BMP3: variants seen among roughly 807,000 people sequenced by gnomAD.
BMP3 encodes the protein bone morphogenetic protein 3, also known as bone morphogenetic protein 3 (osteogenic).
In BMP3, 23 loss-of-function variants were observed where a neutral mutation model predicts 38.1. The ratio of observed to expected loss-of-function variants is 0.60; its 90% CI spans 0.43 to 0.86. The LOEUF (loss-of-function observed/expected upper bound fraction) is 0.86. BMP3 is among the 40% of genes least tolerant of loss of function. The probability of loss-of-function intolerance (pLI) is 0.00; values close to 1 mark genes in which losing one functional copy is unlikely to be tolerated. For synonymous variants in BMP3, 258 were observed against 225.7 expected (o/e 1.14, Z -1.28); for missense variants, 628 against 579.6 (o/e 1.08, Z -0.86).
intron 2 of BMP3, among the ~76,000 whole-genome samples, chr4:81,047,711 GT>G (rs141914215): frequency 1.2e-3 from 178 of 152,052 alleles, no homozygotes; most frequent in Middle Eastern, 3.4e-3. Flanking sequence ...CTAAAATAGC[GT>G]TTTCATGTTC....
In BMP3 at chr4:81,053,563, T is replaced by A; in HGVS notation, c.*27T>A. ...CTGGCAAAGAACTCATTTGAATGCT[T>A]AATTCAATCATTAGTTTATTTTTAT... On this transcript the variant is annotated 3_prime_UTR_variant, in exon 3 of 3. Transcript: ENST00000282701. 7.8e-7 allele frequency: 1 copy of A among 1,289,714 alleles called. No individual in the cohort carries two copies. Among genetic ancestry groups the A allele is most frequent in the Non-Finnish European group, 1.0e-6 (1 of 976,050 alleles). The allele number at this position is 1,289,714 out of a possible 1,614,324, so 79.9% of individuals were successfully genotyped here.
In BMP3 at chr4:81,046,588, C is replaced by T; in HGVS notation, c.1167C>T (p.Ile389=). 2.5e-6 allele frequency: 4 copies of T among 1,614,108 alleles called. No individual in the cohort carries two copies. Among genetic ancestry groups the T allele is most frequent in the Non-Finnish European group, 3.4e-6 (4 of 1,180,008 alleles). The change falls in exon 2 of 3, where the codon ATC becomes ATT. Residue 389 remains isoleucine, a synonymous_variant. Transcript: ENST00000282701. ...ATATTGGCTGGAGTGAATGGATTAT[C>T]TCCCCCAAGTCCTTTGATGCCTATT... ...FADIGWSEWI[I]SPKSFDAYYC...
intron 1 of BMP3, among the ~76,000 whole-genome samples, chr4:81,043,186 A>T (rs539359184): frequency 6.6e-6 from 1 of 152,364 alleles, no homozygotes; most frequent in Admixed American, 6.5e-5. Context: ...ACAAATATGT[A>T]TATGAAACAA....
chr4:81,046,359 A>T lies in BMP3; in HGVS notation c.938A>T (p.Glu313Val). Residue 313 changes from glutamate (E) to valine (V), a missense_variant, in exon 2 of 3, where the codon GAG becomes GTG. By Grantham distance (121) the Glu-to-Val change is moderately radical. Transcript: ENST00000282701. ...GCAGAATACCAGTATAAAAAGGATG[A>T]GGTGTGGGAGGAGAGAAAGCCTTAC... ...PGAEYQYKKD[E>V]VWEERKPYKT... is the part of the protein sequence containing the mutation. The T allele has an allele frequency of 6.2e-7, 1 of 1,614,008 alleles. No individual in the cohort carries two copies. The highest frequency in any genetic ancestry group is 8.5e-7 in the Non-Finnish European group (1 of 1,180,016).
intron 1 of BMP3, among the ~76,000 whole-genome samples, chr4:81,032,699 T>C (rs572179585): frequency 3.9e-5 from 6 of 152,352 alleles, no homozygotes; most frequent in Admixed American, 1.3e-4. Context: ...AGTTTTGATA[T>C]GCAAGACTCC....
At chr4:81,039,914 G>A (rs1056198486) in intron 1 of BMP3, among the ~76,000 whole-genome samples, 1 of 152,148 alleles carries the variant, frequency 6.6e-6, no homozygotes, top group Non-Finnish European at 1.5e-5. Flanking sequence ...CCTAGCCAAG[G>A]AAATGGGTTG....
intron 1 of BMP3, among the ~76,000 whole-genome samples, chr4:81,034,846 C>T (rs916873241): frequency 5.9e-5 from 9 of 151,990 alleles, no homozygotes; most frequent in South Asian, 2.1e-4. Context: ...TATAAGGCTT[C>T]GGCAAAGATA....
At chr4:81,048,234 A>G (rs890713978) in intron 2 of BMP3, among the ~76,000 whole-genome samples, 3 of 152,230 alleles carry the variant, frequency 2.0e-5, no homozygotes, top group Admixed American at 6.5e-5. Context: ...AAAAACACAC[A>G]CACAACAAAG....
chr4:81,055,956 G>C lies in BMP3; in HGVS notation c.*2420G>C, dbSNP rs1034940802. On this transcript the variant is annotated 3_prime_UTR_variant, in exon 3 of 3. Transcript: ENST00000282701. The stretch of plus-strand genomic sequence containing the variant: ...GTAACTATCATTTTACTAATGAATT[G>C]AGGATGTATTATGGTTTAAATTGGA... 1.3e-5 allele frequency: 2 copies of C among 152,142 alleles called. No homozygotes were observed. The highest frequency in any genetic ancestry group is 4.1e-4 in the South Asian group (2 of 4,830). The allele number at this position is 152,142 out of a possible 1,614,324, so 9.4% of individuals were successfully genotyped here. A position where few individuals can be genotyped will look rare whatever the true frequency, so the allele number is the denominator to read the frequency against.
chr4:81,049,658 A>C (rs1449476738), intron 2 of BMP3, among the ~76,000 whole-genome samples: 1 of 152,182 alleles, frequency 6.6e-6, no homozygotes, highest in Non-Finnish European at 1.5e-5. Flanking sequence ...TGTGTCTTTC[A>C]AGTGGTACGG....
At chr4:81,039,305 G>A (rs1002454504) in intron 1 of BMP3, among the ~76,000 whole-genome samples, 4 of 152,188 alleles carry the variant, frequency 2.6e-5, no homozygotes, top group Non-Finnish European at 4.4e-5. Flanking sequence ...TGACTAAAAT[G>A]TTTTCCCTGC....
intron 1 of BMP3, among the ~76,000 whole-genome samples, chr4:81,034,940 G>A (rs1739879817): frequency 6.6e-6 from 1 of 152,142 alleles, no homozygotes; most frequent in South Asian, 2.1e-4. Flanking sequence ...CATCATTTTT[G>A]ATAGGTTTGA....
At chr4:81,044,472 G>A (rs988897900) in intron 1 of BMP3, among the ~76,000 whole-genome samples, 5 of 152,102 alleles carry the variant, frequency 3.3e-5, no homozygotes, top group Non-Finnish European at 7.3e-5. Flanking sequence ...TTTAATTGAG[G>A]TGAAATTCAC....
In BMP3 at chr4:81,030,959, A is replaced by G. The variant is rs1739729684; in HGVS notation, c.-326A>G. On this transcript the variant is annotated 5_prime_UTR_variant, in exon 1 of 3. Coordinates refer to ENST00000282701, the MANE Select transcript of BMP3 (RefSeq NM_001201.5). ...CAAAAATAAAGCGAGGAGGGAAGGT[A>G]CAGACAGATCTTGAAAACACCCGGG... 3.2e-6 allele frequency: 1 copy of G among 316,800 alleles called. No homozygotes were observed. The highest frequency in any genetic ancestry group is 2.2e-5 in the African/African-American group (1 of 44,596). The allele number at this position is 316,800 out of a possible 1,614,324, so 19.6% of individuals were successfully genotyped here.
At chr4:81,049,596 T>C (rs1740350509) in intron 2 of BMP3, among the ~76,000 whole-genome samples, 3 of 152,178 alleles carry the variant, frequency 2.0e-5, no homozygotes, top group Admixed American at 2.0e-4. Context: ...CTTGTGTGTA[T>C]CTGTTTAACT....
rs562592744 is a variant in BMP3, at chr4:81,030,980, C to T, written c.-305C>T. On this transcript the variant is annotated 5_prime_UTR_variant, in exon 1 of 3. Coordinates refer to ENST00000282701, the MANE Select transcript of BMP3 (RefSeq NM_001201.5). ...AGGTACAGACAGATCTTGAAAACACCCGGGCCACACACGCCGCGACCTACA... is the reference window on the plus strand; with the variant it reads ...AGGTACAGACAGATCTTGAAAACACTCGGGCCACACACGCCGCGACCTACA... The T allele has an allele frequency of 5.1e-6, 2 of 389,370 alleles. No homozygotes were observed. Among genetic ancestry groups the T allele is most frequent in the Non-Finnish European group, 9.2e-6 (2 of 217,534 alleles). The allele number at this position is 389,370 out of a possible 1,614,324, so 24.1% of individuals were successfully genotyped here. A position where few individuals can be genotyped will look rare whatever the true frequency, so the allele number is the denominator to read the frequency against.
chr4:81,033,058 G>A lies in BMP3; in HGVS notation c.316+1458G>A, dbSNP rs182849252. On this transcript the variant is annotated intron_variant, in intron 1 of 2. Transcript: ENST00000282701. Reference sequence around the variant, plus strand: ...CATAACTCAGTGAGTAACTCATGTGGGAGTTGCAAGGATTGAAAGGAAGTT... The same window carrying A: ...CATAACTCAGTGAGTAACTCATGTGAGAGTTGCAAGGATTGAAAGGAAGTT... 3.7e-4 allele frequency among the ~76,000 whole-genome samples: 57 copies of A among 152,296 alleles called. No individual in the cohort carries two copies. The East Asian group carries it at 4.6e-3, about 12-fold the overall frequency.
Position 81,054,527 on chromosome 4 carries a change from G to A in BMP3, c.*991G>A, listed in dbSNP as rs1495636. 141,872 of 152,204 alleles carry A rather than the reference G, an allele frequency of 0.93. 66,856 individuals carry two copies. The highest frequency in any genetic ancestry group is 1 in the East Asian group (5,182 of 5,182). 9.4% of individuals were successfully genotyped at this position (152,204 alleles called of 1,614,324 possible). ...GGTAGATGTTGAGGCCCAAAAACTG[G>A]TAGAATATTGAAGATCTTCTTAAAT... On this transcript the variant is annotated 3_prime_UTR_variant, in exon 3 of 3. Transcript: ENST00000282701.
chr4:81,046,461 A>G lies in BMP3; in HGVS notation c.1040A>G (p.Gln347Arg). ...AGAAAGGGGCCTCATCGGAAGAGCC[A>G]GACGCTCCAATTTGATGAGCAGACC... ...KQRKGPHRKS[Q>R]TLQFDEQTLK... The change falls in exon 2 of 3, where the codon CAG becomes CGG. Residue 347 changes from glutamine to arginine, a missense_variant. Coordinates refer to ENST00000282701, the MANE Select transcript of BMP3 (RefSeq NM_001201.5). 1.2e-6 allele frequency: 2 copies of G among 1,614,082 alleles called. No individual in the cohort carries two copies. The highest frequency in any genetic ancestry group is 1.1e-5 in the South Asian group (1 of 91,074).
Sources: gnomAD v4.1 joint callset for allele counts (sites outside exome capture counted in the v4.1 genomes callset) on GRCh38, gnomAD v4.1.1 for gene constraint, MANE v1.5 for transcripts, NCBI Gene and HGNC (gene_info 2026-07-23, HGNC 2026-07-21) for gene names.